DOCK3: variants seen among roughly 807,000 people sequenced by gnomAD.
DOCK3 encodes the protein dedicator of cytokinesis protein 3.
In DOCK3, 60 loss-of-function variants were observed where a neutral mutation model predicts 265.6. That is an observed-to-expected ratio of 0.23 (90% confidence interval 0.18 to 0.28). DOCK3 has a LOEUF of 0.28. DOCK3 is among the 10% of genes least tolerant of loss of function. The pLI, the probability that DOCK3 is intolerant of heterozygous loss-of-function variation, is 1.00. For synonymous variants in DOCK3, 881 were observed against 938.0 expected (o/e 0.94, Z 1.11); for missense variants, 1,981 against 2,594.3 (o/e 0.76, Z 5.14).
intron 23 of DOCK3, among the ~76,000 whole-genome samples, chr3:51,268,944 C>T (rs1576603551): frequency 6.6e-6 from 1 of 152,048 alleles, no homozygotes; most frequent in East Asian, 1.9e-4. Context: ...GATATGCTTT[C>T]TGGGAACTTT....
At chr3:50,953,514 T>C (rs968777191) in intron 5 of DOCK3, among the ~76,000 whole-genome samples, 3 of 152,126 alleles carry the variant, frequency 2.0e-5, no homozygotes, top group Admixed American at 2.0e-4. Context: ...ATTTCTTAGA[T>C]GGCTGGAAAC....
chr3:51,119,797 G>T (rs1042498536), intron 9 of DOCK3, among the ~76,000 whole-genome samples: 4 of 151,848 alleles, frequency 2.6e-5, no homozygotes, highest in African/African-American at 9.7e-5. Context: ...CTTGTGCTGT[G>T]TTTTTCTGCT....
chr3:50,940,078 C>CACACATACACACACAA lies in DOCK3; in HGVS notation c.315+6006_315+6007insTACACACACAAACACA, dbSNP rs1419410201. 5.3e-5 allele frequency among the ~76,000 whole-genome samples: 8 copies of CACACATACACACACAA among 152,016 alleles called. No homozygotes were observed. The South Asian group carries it at 8.3e-4, about 16-fold the overall frequency. On this transcript the variant is annotated intron_variant, in intron 5 of 52. Coordinates refer to ENST00000266037, the MANE Select transcript of DOCK3 (RefSeq NM_004947.5). ...ACAGACACACACATACACACACAAA[C>CACACATACACACACAA]ACACACACACATTCATATTTCCACA...
chr3:51,039,348 G>A (rs757799997), intron 5 of DOCK3, among the ~76,000 whole-genome samples: 36 of 152,014 alleles, frequency 2.4e-4, no homozygotes, highest in Non-Finnish European at 3.2e-4. Context: ...AGGATAAAAA[G>A]TTCTGAGATA....
chr3:50,907,609 G>A (rs1000703135), intron 4 of DOCK3, among the ~76,000 whole-genome samples: 1 of 151,982 alleles, frequency 6.6e-6, no homozygotes, highest in African/African-American at 2.4e-5. Flanking sequence ...TTGCTTGGTA[G>A]ATCTTCCTCC....
chr3:51,123,619 G>A (rs1372829951), intron 9 of DOCK3, among the ~76,000 whole-genome samples: 1 of 152,206 alleles, frequency 6.6e-6, no homozygotes, highest in African/African-American at 2.4e-5. Context: ...GTCACACAGA[G>A]CACTCTTCCA....
intron 35 of DOCK3, chr3:51,336,914 G>C (rs1319132843): frequency 2.2e-6 from 1 of 455,824 alleles, no homozygotes; most frequent in Non-Finnish European, 4.4e-6. Flanking sequence ...TGCCCTTCAT[G>C]GGGCCAACTT....
chr3:51,147,763 T>C (rs1245472131), intron 10 of DOCK3, among the ~76,000 whole-genome samples: 2 of 152,226 alleles, frequency 1.3e-5, no homozygotes, highest in Non-Finnish European at 1.5e-5. Context: ...GGGTTGGTTC[T>C]AAGTCTTTGC....
At chr3:50,885,323 T>G (rs1209509052) in intron 3 of DOCK3, among the ~76,000 whole-genome samples, 1 of 152,060 alleles carries the variant, frequency 6.6e-6, no homozygotes. Flanking sequence ...CTTCCAAGTC[T>G]TGGCATTTAT....
rs554143600 is a variant in DOCK3, at chr3:51,252,404, C to T, written c.2184+5597C>T. On this transcript the variant is annotated intron_variant, in intron 22 of 52. Coordinates refer to ENST00000266037, the MANE Select transcript of DOCK3 (RefSeq NM_004947.5). The stretch of plus-strand genomic sequence containing the variant: ...TTTTTTCCAATTCTGTGAACAAAGT[C>T]ATTGGTGGCTTTATGGGGATGGCAT... Among the ~76,000 whole-genome samples the T allele has an allele frequency of 5.7e-4, 87 of 152,306 alleles. 1 individual carries two copies. Among genetic ancestry groups the T allele is most frequent in the African/African-American group, 2.0e-3 (84 of 41,558 alleles).
At chr3:51,009,614 T>G (rs944134925) in intron 5 of DOCK3, among the ~76,000 whole-genome samples, 1 of 152,216 alleles carries the variant, frequency 6.6e-6, no homozygotes, top group African/African-American at 2.4e-5. Flanking sequence ...TATCTCTATC[T>G]CCTTCAGTTC....
intron 1 of DOCK3, among the ~76,000 whole-genome samples, chr3:50,695,370 A>G (rs1190024789): frequency 6.6e-6 from 1 of 152,194 alleles, no homozygotes; most frequent in African/African-American, 2.4e-5. Context: ...TTTTCTATCT[A>G]AGTGCACAAG....
intron 9 of DOCK3, among the ~76,000 whole-genome samples, chr3:51,090,820 C>T (rs1385742209): frequency 6.6e-6 from 1 of 152,086 alleles, no homozygotes; most frequent in Non-Finnish European, 1.5e-5. Flanking sequence ...CTGGGCAGCC[C>T]ATGAAAGGAG....
intron 9 of DOCK3, among the ~76,000 whole-genome samples, chr3:51,117,188 G>T (rs1467747427): frequency 6.6e-6 from 1 of 152,090 alleles, no homozygotes; most frequent in Non-Finnish European, 1.5e-5. Context: ...GTTGAATTTT[G>T]TTGAAGGCCT....
intron 3 of DOCK3, among the ~76,000 whole-genome samples, chr3:50,850,866 A>G (rs1257680129): frequency 6.6e-6 from 1 of 152,174 alleles, no homozygotes; most frequent in Non-Finnish European, 1.5e-5. Flanking sequence ...CCTGTGACCA[A>G]TGGGTCTGAC....
At chr3:51,253,700 G>A (rs564438660) in intron 22 of DOCK3, among the ~76,000 whole-genome samples, 2 of 152,056 alleles carry the variant, frequency 1.3e-5, no homozygotes, top group African/African-American at 2.4e-5. Context: ...TCGTGGGATC[G>A]ATGGCGATAT....
At chr3:51,307,879 G>T (rs2883813) in intron 27 of DOCK3, among the ~76,000 whole-genome samples, 10,368 of 53,552 alleles carry the variant, frequency 0.19, 1,101 homozygotes, top group African/African-American at 0.28. Context: ...AATTATATGG[G>T]TTTTTTTTTT....
intron 2 of DOCK3, among the ~76,000 whole-genome samples, chr3:50,806,007 G>T (rs908115708): frequency 2.0e-5 from 3 of 151,990 alleles, no homozygotes; most frequent in Non-Finnish European, 2.9e-5. Context: ...GGCTGCAGCT[G>T]CTCAGCTGGC....
At chr3:50,741,519 G>A (rs2039026497) in intron 1 of DOCK3, among the ~76,000 whole-genome samples, 1 of 148,028 alleles carries the variant, frequency 6.8e-6, no homozygotes, top group African/African-American at 2.5e-5. Context: ...GTGAGAATAT[G>A]CAGTGTTTGG....
Sources: gnomAD v4.1 joint callset for allele counts (sites outside exome capture counted in the v4.1 genomes callset) on GRCh38, gnomAD v4.1.1 for gene constraint, MANE v1.5 for transcripts, NCBI Gene and HGNC (gene_info 2026-07-23, HGNC 2026-07-21) for gene names.